SORCS3: variants seen among roughly 807,000 people sequenced by gnomAD.
SORCS3 encodes the protein VPS10 domain-containing receptor SorCS3.
SORCS3 carries 57 observed loss-of-function variants against 146.3 expected under a neutral mutation model. The ratio of observed to expected loss-of-function variants is 0.39; its 90% CI spans 0.31 to 0.49. The LOEUF (loss-of-function observed/expected upper bound fraction) is 0.49, where lower values mean the gene tolerates loss of function less well. Ranked by LOEUF, SORCS3 falls within the 20% of genes least tolerant of loss-of-function variation. SORCS3 has a pLI of 0.92. For missense variants in SORCS3, 1,341 were observed against 1,575.5 expected (o/e 0.85, Z 2.52); for synonymous variants, 653 against 618.5 (o/e 1.06, Z -0.83).
intron 20 of SORCS3, 58 bp downstream of exon 20, chr10:105,223,307 A>T: frequency 6.7e-7 from 1 of 1,503,420 alleles, no homozygotes; most frequent in Non-Finnish European, 9.0e-7. Context: ...CCTATGTTCC[A>T]GCTTTTATGT....
chr10:105,139,156 CTG>C (rs2056077716), intron 7 of SORCS3, among the ~76,000 whole-genome samples: 1 of 152,256 alleles, frequency 6.6e-6, no homozygotes, highest in South Asian at 2.1e-4. Context: ...GAGTCAGTCT[CTG>C]TTCTGAGGGA....
At chr10:104,649,259 C>T (rs1278985582) in intron 1 of SORCS3, among the ~76,000 whole-genome samples, 1 of 152,184 alleles carries the variant, frequency 6.6e-6, no homozygotes, top group Non-Finnish European at 1.5e-5. Context: ...AGTCCTGCCT[C>T]TGTTTCTTAA....
At chr10:104,748,564 A>G (rs1408774249) in intron 1 of SORCS3, among the ~76,000 whole-genome samples, 1 of 152,202 alleles carries the variant, frequency 6.6e-6, no homozygotes, top group African/African-American at 2.4e-5. Flanking sequence ...AGGATTCTCT[A>G]GACTCCTGCT....
At chr10:105,214,374 A>ACACACG (rs2119648579) in intron 17 of SORCS3, 68 bp from the exon 18 acceptor site, 1 of 1,563,708 alleles carries the variant, frequency 6.4e-7, no homozygotes, top group Non-Finnish European at 8.8e-7. Flanking sequence ...TAACACACAC[A>ACACACG]CACACACATA....
intron 1 of SORCS3, among the ~76,000 whole-genome samples, chr10:104,740,728 T>C (rs1250006375): frequency 6.6e-6 from 1 of 152,214 alleles, no homozygotes; most frequent in Non-Finnish European, 1.5e-5. Context: ...GTTTCCTTGC[T>C]TCTGTGTGTC....
chr10:104,930,933 G>C (rs143899770), intron 3 of SORCS3, among the ~76,000 whole-genome samples: 1 of 152,318 alleles, frequency 6.6e-6, no homozygotes, highest in East Asian at 1.9e-4. Context: ...GTGGTACCCT[G>C]TAAGTAAATA....
chr10:105,262,305 C>A, intron 25 of SORCS3, 26 bp from the exon 26 acceptor site: 3 of 1,605,640 alleles, frequency 1.9e-6, no homozygotes, highest in Non-Finnish European at 2.6e-6. Context: ...GTGATCTTAA[C>A]CTGATTTTGC....
At chr10:104,933,626 G>A (rs866366883) in intron 3 of SORCS3, among the ~76,000 whole-genome samples, 1 of 152,140 alleles carries the variant, frequency 6.6e-6, no homozygotes, top group African/African-American at 2.4e-5. Context: ...AACCACCAAC[G>A]CCTGCTGCAC....
chr10:104,735,888 C>T (rs2016765666), intron 1 of SORCS3, among the ~76,000 whole-genome samples: 1 of 152,152 alleles, frequency 6.6e-6, no homozygotes, highest in Non-Finnish European at 1.5e-5. Flanking sequence ...AATCTGACCA[C>T]CTCATCCCCC....
intron 5 of SORCS3, among the ~76,000 whole-genome samples, chr10:105,059,628 G>A (rs527771423): frequency 2.0e-4 from 31 of 152,284 alleles, no homozygotes; most frequent in South Asian, 1.0e-3. Context: ...ATGCATTCAA[G>A]CCCATTGCCA....
intron 19 of SORCS3, among the ~76,000 whole-genome samples, chr10:105,220,092 A>AG (rs2056691430): frequency 6.6e-6 from 1 of 152,270 alleles, no homozygotes; most frequent in South Asian, 2.1e-4. Flanking sequence ...TTTTATCAAA[A>AG]GGGGCACTAT....
At chr10:104,974,850 T>C (rs1564726191) in intron 3 of SORCS3, among the ~76,000 whole-genome samples, 1 of 152,186 alleles carries the variant, frequency 6.6e-6, no homozygotes, top group East Asian at 1.9e-4. Context: ...TTCCTTTCCA[T>C]GTTTAGTGCT....
chr10:104,824,583 G>A (rs1222908514), intron 1 of SORCS3, among the ~76,000 whole-genome samples: 1 of 152,176 alleles, frequency 6.6e-6, no homozygotes, highest in African/African-American at 2.4e-5. Flanking sequence ...TTACAGCAGT[G>A]GTGCTGAACG....
chr10:105,182,120 G>A (rs534989325), intron 14 of SORCS3, among the ~76,000 whole-genome samples: 1 of 151,532 alleles, frequency 6.6e-6, no homozygotes, highest in Admixed American at 6.6e-5. Context: ...CTCTGAAAGA[G>A]ATCAGACACT....
At chr10:104,819,896 C>A (rs2017853106) in intron 1 of SORCS3, among the ~76,000 whole-genome samples, 1 of 152,160 alleles carries the variant, frequency 6.6e-6, no homozygotes. Context: ...ACTTCCAGAG[C>A]CAAGATTGCT....
chr10:104,850,285 T>A (rs1223311977), intron 2 of SORCS3, among the ~76,000 whole-genome samples: 1 of 152,212 alleles, frequency 6.6e-6, no homozygotes, highest in African/African-American at 2.4e-5. Flanking sequence ...CAGGAATTTA[T>A]TATTTCAAAA....
intron 1 of SORCS3, among the ~76,000 whole-genome samples, chr10:104,688,729 G>A (rs1346231521): frequency 6.6e-6 from 1 of 152,014 alleles, no homozygotes; most frequent in African/African-American, 2.4e-5. Context: ...CATTCAGGAA[G>A]TACCTCTGTG....
At chr10:105,254,548 C>A (rs983094764) in intron 23 of SORCS3, among the ~76,000 whole-genome samples, 2 of 152,222 alleles carry the variant, frequency 1.3e-5, no homozygotes, top group Non-Finnish European at 2.9e-5. Context: ...TATACCAAAT[C>A]TGTGCATCTT....
At chr10:105,246,940 G>T (rs2056869988) in intron 21 of SORCS3, among the ~76,000 whole-genome samples, 1 of 152,196 alleles carries the variant, frequency 6.6e-6, no homozygotes, top group South Asian at 2.1e-4. Flanking sequence ...TCCTTCTGGA[G>T]TTTCATAATT....
Sources: gnomAD v4.1 joint callset for allele counts (sites outside exome capture counted in the v4.1 genomes callset) on GRCh38, gnomAD v4.1.1 for gene constraint, MANE v1.5 for transcripts, NCBI Gene and HGNC (gene_info 2026-07-23, HGNC 2026-07-21) for gene names.